SH3RF2: variants seen among roughly 807,000 people sequenced by gnomAD.
SH3RF2 encodes SH3 domain containing ring finger 2.
A neutral mutation model predicts 59.0 loss-of-function variants in SH3RF2; 43 were observed. The observed-to-expected ratio is 0.73, with a 90% CI of 0.57 to 0.94. The LOEUF is 0.94. SH3RF2 is among the 40% of genes least tolerant of loss of function. The pLI, the probability that SH3RF2 is intolerant of heterozygous loss-of-function variation, is 0.00. For synonymous variants in SH3RF2, 391 were observed against 391.5 expected, an observed-to-expected ratio of 1.00 and a Z score of 0.01; for missense variants, 930 against 940.1, an observed-to-expected ratio of 0.99 and a Z score of 0.14.
chr5:145,966,955 A>G (rs1310505081), intron 2 of SH3RF2, among the ~76,000 whole-genome samples: 1 of 152,136 alleles, frequency 6.6e-6, no homozygotes, highest in East Asian at 1.9e-4. Context: ...CCAGGAGTAG[A>G]GGCTGCAGTG....
rs555384438 is a variant in SH3RF2, at chr5:146,030,531, T to C, written c.1059+16470T>C. Among the ~76,000 whole-genome samples, 13 of 152,314 alleles carry C rather than the reference T, an allele frequency of 8.5e-5. No homozygotes were observed. In the East Asian group the frequency reaches 2.5e-3, roughly 29 times the overall value. ...CCGGGATTAGGCGCTTGCTGGGCCC[T>C]CATCTGTCTACGTCTGTAGAGAAAG... On this transcript the variant is annotated intron_variant, in intron 5 of 9. Transcript: ENST00000359120.
chr5:145,970,008 A>G lies in SH3RF2; in HGVS notation c.379-30050A>G, dbSNP rs78431588. On this transcript the variant is annotated intron_variant, in intron 2 of 9. Transcript: ENST00000359120. ...CTCAAGAAAGAAGAGATTCGGGTGC[A>G]AAATAAACCTACTCATATTGCCTAA... 7.0e-3 allele frequency among the ~76,000 whole-genome samples: 1,059 copies of G among 152,290 alleles called. 16 individuals are homozygous for G. Among genetic ancestry groups the G allele is most frequent in the African/African-American group, 0.024 (1,014 of 41,558 alleles).
rs147624650 is a variant in SH3RF2 at position 145,969,744 on chromosome 5, A to T, written c.379-30314A>T. On this transcript the variant is annotated intron_variant, in intron 2 of 9. Coordinates refer to ENST00000359120, the MANE Select transcript of SH3RF2 (RefSeq NM_152550.4). ...AGCGAGACACTCTTTCTAAAAAAAA[A>T]AAAATAAAGTGTACAAACAAATAAA... 6.0e-3 allele frequency among the ~76,000 whole-genome samples: 910 copies of T among 152,220 alleles called. 5 individuals carry two copies. The highest frequency in any genetic ancestry group is 0.027 in the Middle Eastern group (8 of 294).
chr5:146,076,465 A>G (rs1763343660), intron 9 of SH3RF2, among the ~76,000 whole-genome samples: 1 of 152,192 alleles, frequency 6.6e-6, no homozygotes, highest in Non-Finnish European at 1.5e-5. Context: ...AAAATTGGTA[A>G]ATAACAAAAT....
At chr5:146,030,347 A>G (rs1275803530) in intron 5 of SH3RF2, among the ~76,000 whole-genome samples, 1 of 152,196 alleles carries the variant, frequency 6.6e-6, no homozygotes, top group African/African-American at 2.4e-5. Context: ...GCATATACTC[A>G]GGTGACAAAC....
chr5:145,991,280 C>G (rs774187242), intron 2 of SH3RF2, among the ~76,000 whole-genome samples: 13 of 152,144 alleles, frequency 8.5e-5, no homozygotes, highest in Admixed American at 2.0e-4. Context: ...GTTTCCTCAT[C>G]ATAAAATAGG....
chr5:146,081,105 T>A (rs983647685), exon 10 of SH3RF2: 6 of 152,230 alleles, frequency 3.9e-5, no homozygotes, highest in African/African-American at 7.2e-5. Context: ...GCCTGGAATT[T>A]TCTAGTAAGA....
chr5:145,964,141 C>A (rs1561712909), intron 2 of SH3RF2, among the ~76,000 whole-genome samples: 1 of 151,458 alleles, frequency 6.6e-6, no homozygotes, highest in African/African-American at 2.4e-5. Flanking sequence ...CTCTTCCTTT[C>A]TTTCCTTCCT....
chr5:146,074,074 C>G (rs1417165508), intron 9 of SH3RF2, among the ~76,000 whole-genome samples: 1 of 133,994 alleles, frequency 7.5e-6, no homozygotes, highest in South Asian at 2.3e-4. Flanking sequence ...GAGTCTCGCT[C>G]TGTCGCCCAG....
rs372315066 is a variant in SH3RF2, at chr5:145,937,105, C to G, written c.-107+411C>G. 4.6e-5 allele frequency: 7 copies of G among 151,534 alleles called. No homozygotes were observed. In the East Asian group the frequency reaches 1.4e-3, roughly 30 times the overall value. 9.4% of individuals were successfully genotyped at this position (151,534 alleles called of 1,614,324 possible). ...AACAATGTCAAAGTAACTAAACAGG[C>G]TGCACTACTTTACCTTGTGGGAGGA... On this transcript the variant is annotated intron_variant, in intron 1 of 9. Transcript: ENST00000359120.
intron 2 of SH3RF2, among the ~76,000 whole-genome samples, chr5:145,977,266 G>A (rs1033332079): frequency 6.6e-6 from 1 of 152,212 alleles, no homozygotes; most frequent in Non-Finnish European, 1.5e-5. Context: ...ACTTTGTTCT[G>A]ACATATATGG....
At chr5:146,028,440 C>T (rs1761620356) in intron 5 of SH3RF2, among the ~76,000 whole-genome samples, 1 of 152,198 alleles carries the variant, frequency 6.6e-6, no homozygotes, top group African/African-American at 2.4e-5. Context: ...TCCACACAGA[C>T]CTGTTAGGAG....
intron 2 of SH3RF2, among the ~76,000 whole-genome samples, chr5:145,965,147 C>CG (rs1345107335): frequency 1.3e-5 from 2 of 151,730 alleles, no homozygotes; most frequent in African/African-American, 4.8e-5. Context: ...GAGCTGAGAT[C>CG]GCGCCACTGC....
chr5:146,007,473 T>C (rs1479205819), intron 4 of SH3RF2, among the ~76,000 whole-genome samples: 1 of 152,178 alleles, frequency 6.6e-6, no homozygotes, highest in Non-Finnish European at 1.5e-5. Flanking sequence ...AGTCAGTGGT[T>C]GACTCTCCAA....
At chr5:145,995,005 A>G (rs1760092515) in intron 2 of SH3RF2, among the ~76,000 whole-genome samples, 1 of 99,040 alleles carries the variant, frequency 1.0e-5, no homozygotes, top group African/African-American at 3.2e-5. Context: ...TTTCATAAAT[A>G]ATAAAAAAAA....
At chr5:146,064,910 T>C (rs1050618561), downstream of SH3RF2, among the ~76,000 whole-genome samples, 7 of 151,838 alleles carry the variant, frequency 4.6e-5, no homozygotes, top group African/African-American at 1.7e-4. Context: ...GGAAGGGGCA[T>C]GTCTAATTAG....
intron 2 of SH3RF2, among the ~76,000 whole-genome samples, chr5:145,970,495 C>A (rs1759038346): frequency 6.6e-6 from 1 of 152,134 alleles, no homozygotes; most frequent in Non-Finnish European, 1.5e-5. Flanking sequence ...TACATATATA[C>A]CACATTTTCT....
chr5:146,026,828 G>A (rs1222568608), intron 5 of SH3RF2, among the ~76,000 whole-genome samples: 1 of 152,202 alleles, frequency 6.6e-6, no homozygotes, highest in African/African-American at 2.4e-5. Flanking sequence ...TTTTATATCT[G>A]TAAAATGGGA....
chr5:146,074,773 C>CCTCT lies in SH3RF2; in HGVS notation c.*34-3666_*34-3663dup, dbSNP rs35758284. Among the ~76,000 whole-genome samples, 1,061 of 148,574 alleles carry CCTCT rather than the reference C, an allele frequency of 7.1e-3. 15 individuals are homozygous for CCTCT. Among genetic ancestry groups the CCTCT allele is most frequent in the Middle Eastern group, 0.018 (5 of 280 alleles). ...TCTCTTCCTCCCTTCAGCCCTCTGC[C>CCTCT]CTCTCTCTCTCTCTCTCTCTCTCTG... On this transcript the variant is annotated intron_variant, in intron 9 of 9. Coordinates refer to the SH3RF2 transcript ENST00000511217.
Sources: gnomAD v4.1 joint callset for allele counts (sites outside exome capture counted in the v4.1 genomes callset) on GRCh38, gnomAD v4.1.1 for gene constraint, MANE v1.5 for transcripts, NCBI Gene and HGNC (gene_info 2026-07-23, HGNC 2026-07-21) for gene names.